PRDM16: variants seen among roughly 807,000 people sequenced by gnomAD.
The protein encoded by PRDM16 is PR/SET domain 16, also known as histone-lysine N-methyltransferase PRDM16.
Under a neutral mutation model 110.6 loss-of-function variants are expected in PRDM16, and 23 were observed. The ratio of observed to expected loss-of-function variants is 0.21; its 90% CI spans 0.15 to 0.29. The LOEUF (loss-of-function observed/expected upper bound fraction) is 0.29, where lower values mean the gene tolerates loss of function less well. Among genes scored for constraint, PRDM16 ranks in the 10% least tolerant of loss-of-function variants. The pLI is 1.00. For synonymous variants in PRDM16, 799 were observed against 781.8 expected (o/e 1.02, Z -0.37); for missense variants, 1,615 against 1,794.3 (o/e 0.90, Z 1.81).
intron 1 of PRDM16, among the ~76,000 whole-genome samples, chr1:3,117,571 G>C (rs952629828): frequency 1.3e-5 from 2 of 151,940 alleles, no homozygotes; most frequent in Non-Finnish European, 2.9e-5. Context: ...GTTTCCTTCT[G>C]CTTGATTTGC....
intron 3 of PRDM16, among the ~76,000 whole-genome samples, chr1:3,253,959 G>T (rs1639995373): frequency 6.6e-6 from 1 of 152,206 alleles, no homozygotes; most frequent in Non-Finnish European, 1.5e-5. Context: ...CTGATGGCTG[G>T]TGATGGTGCG....
intron 14 of PRDM16, among the ~76,000 whole-genome samples, chr1:3,429,372 G>C (rs562655147): frequency 6.6e-6 from 1 of 152,390 alleles, no homozygotes; most frequent in South Asian, 2.1e-4. Context: ...TGCATGGGGG[G>C]TGTGCAGCAG....
intron 1 of PRDM16, among the ~76,000 whole-genome samples, chr1:3,132,762 T>C (rs1053395439): frequency 2.0e-5 from 3 of 152,190 alleles, no homozygotes. Context: ...CTTATTTGGT[T>C]CAGCAGTTTT....
intron 3 of PRDM16, among the ~76,000 whole-genome samples, chr1:3,337,247 G>A (rs1429407964): frequency 2.0e-5 from 3 of 152,162 alleles, no homozygotes; most frequent in South Asian, 2.1e-4. Context: ...GTTGGTGTGA[G>A]TCTGTGTGCA....
At chr1:3,111,060 G>A (rs994732867) in intron 1 of PRDM16, among the ~76,000 whole-genome samples, 3 of 152,146 alleles carry the variant, frequency 2.0e-5, no homozygotes, top group African/African-American at 2.4e-5. Context: ...CACACCTGCC[G>A]AGTGTGAGAT....
intron 1 of PRDM16, among the ~76,000 whole-genome samples, chr1:3,114,264 A>G (rs6691996): frequency 0.048 from 6,936 of 144,986 alleles, 224 homozygotes; most frequent in Non-Finnish European, 0.069. Context: ...GCACGCGCAC[A>G]CGTACACACA....
chr1:3,430,925 A>G lies in PRDM16; in HGVS notation c.3338A>G (p.Glu1113Gly). ...GCCCAGTGTCCAGGCCTAGCCAGTG[A>G]GAAGCAGGAGGACGTGGAGGAGGAG... ...GSAQCPGLASEKQEDVEEEDD... is the reference protein window; with the variant it reads ...GSAQCPGLASGKQEDVEEEDD... Residue 1113 changes from glutamate to glycine, a missense_variant, in exon 15 of 17, where the codon GAG becomes GGG. Transcript: ENST00000270722. 2 of 1,614,168 alleles carry G rather than the reference A, an allele frequency of 1.2e-6. No homozygotes were observed. The highest frequency in any genetic ancestry group is 1.7e-6 in the Non-Finnish European group (2 of 1,180,018).
chr1:3,414,123 C>A (rs1411547609), intron 9 of PRDM16, among the ~76,000 whole-genome samples: 1 of 152,222 alleles, frequency 6.6e-6, no homozygotes, highest in East Asian at 1.9e-4. Flanking sequence ...GGTCCAGGGA[C>A]CCCCTTCAGA....
At chr1:3,072,131 C>T (rs1006428903) in intron 1 of PRDM16, among the ~76,000 whole-genome samples, 6 of 151,966 alleles carry the variant, frequency 3.9e-5, no homozygotes, top group African/African-American at 1.4e-4. Context: ...GGGACAGGGT[C>T]CCCCCTACTG....
intron 1 of PRDM16, among the ~76,000 whole-genome samples, chr1:3,140,604 T>C (rs1187834276): frequency 6.6e-6 from 1 of 152,256 alleles, no homozygotes; most frequent in African/African-American, 2.4e-5. Context: ...TATTTATCTT[T>C]TGCAGCGATA....
intron 2 of PRDM16, among the ~76,000 whole-genome samples, chr1:3,212,148 G>A (rs1356906135): frequency 2.0e-5 from 3 of 152,182 alleles, no homozygotes; most frequent in Non-Finnish European, 4.4e-5. Flanking sequence ...TGCGCGGCGC[G>A]GGCCTCCATT....
intron 3 of PRDM16, among the ~76,000 whole-genome samples, chr1:3,264,469 G>A (rs770129239): frequency 1.4e-4 from 21 of 148,864 alleles, no homozygotes; most frequent in African/African-American, 4.5e-4. Flanking sequence ...AGGAGCATCC[G>A]AGGACCCTAG....
At chr1:3,193,132 A>C (rs1300326912) in intron 2 of PRDM16, among the ~76,000 whole-genome samples, 1 of 151,576 alleles carries the variant, frequency 6.6e-6, no homozygotes, top group East Asian at 1.9e-4. Flanking sequence ...CGGCCAGACG[A>C]CGAGTACCCA....
rs1640260052 is a variant in PRDM16 at position 3,265,237 on chromosome 1, T to C, written c.438+21100T>C. ...GTCCGGAGAAATTGCAACCATGGCT[T>C]GACAACAGCTTGTCCCTTACGGTTG... On this transcript the variant is annotated intron_variant, in intron 3 of 16. Coordinates refer to ENST00000270722, the MANE Select transcript of PRDM16 (RefSeq NM_022114.4). This position sits in a 1 kb window ranked among gnomAD's most constrained non-coding sequence, Gnocchi z 4.5. Among the ~76,000 whole-genome samples the C allele has an allele frequency of 6.6e-6, 1 of 152,080 alleles. No individual in the cohort carries two copies. Among genetic ancestry groups the C allele is most frequent in the South Asian group, 2.1e-4 (1 of 4,820 alleles).
At chr1:3,168,606 C>T (rs541943654) in intron 1 of PRDM16, among the ~76,000 whole-genome samples, 35 of 149,778 alleles carry the variant, frequency 2.3e-4, no homozygotes, top group Non-Finnish European at 4.7e-4. Flanking sequence ...CTTTCATACC[C>T]TGGTTTAGAT....
At chr1:3,162,676 G>A (rs1218942458) in intron 1 of PRDM16, among the ~76,000 whole-genome samples, 2 of 152,262 alleles carry the variant, frequency 1.3e-5, no homozygotes, top group Non-Finnish European at 2.9e-5. Context: ...GAGCAGATGA[G>A]TGGTGTGGAA....
intron 8 of PRDM16, among the ~76,000 whole-genome samples, chr1:3,408,859 G>A (rs1472627482): frequency 7.6e-6 from 1 of 131,642 alleles, no homozygotes; most frequent in Non-Finnish European, 1.6e-5. Context: ...AGAGCACGAG[G>A]GTGGGCACGT....
intron 2 of PRDM16, among the ~76,000 whole-genome samples, chr1:3,202,951 G>A (rs1356908500): frequency 2.0e-5 from 3 of 152,208 alleles, no homozygotes; most frequent in Non-Finnish European, 4.4e-5. Context: ...TGGTGTGGGG[G>A]AAGGAGTTTT....
intron 3 of PRDM16, among the ~76,000 whole-genome samples, chr1:3,249,141 G>A (rs1454522953): frequency 2.0e-5 from 3 of 151,894 alleles, no homozygotes; most frequent in Non-Finnish European, 2.9e-5. Flanking sequence ...CTGCTGTTCG[G>A]TGTCCAGTCC....
Sources: gnomAD v4.1 joint callset for allele counts (sites outside exome capture counted in the v4.1 genomes callset) on GRCh38, gnomAD v4.1.1 for gene constraint, Gnocchi (gnomAD v3.1) non-coding constraint, MANE v1.5 for transcripts, NCBI Gene and HGNC (gene_info 2026-07-23, HGNC 2026-07-21) for gene names.